The following C18orf32 variants were observed in gnomAD, a reference collection of about 807,000 sequenced individuals.
The protein encoded by C18orf32 is UPF0729 protein C18orf32.
In C18orf32, 5 loss-of-function variants were observed where a neutral mutation model predicts 7.4. The ratio of observed to expected loss-of-function variants is 0.68; its 90% confidence interval spans 0.35 to 1.42. The LOEUF (loss-of-function observed/expected upper bound fraction) is 1.42, where lower values mean the gene tolerates loss of function less well. Among genes scored for constraint, C18orf32 ranks in the 40% most tolerant of loss-of-function variants. The probability of loss-of-function intolerance (pLI) is 0.04; values close to 1 mark genes in which losing one functional copy is unlikely to be tolerated. For synonymous variants in C18orf32, 30 were observed against 29.3 expected (o/e 1.02, Z -0.08); for missense variants, 88 against 92.4 (o/e 0.95, Z 0.19).
chr18:49,483,956 C>T (rs993639926), intron 1 of C18orf32, among the ~76,000 whole-genome samples, 185 bp from the exon 2 acceptor site: 1 of 151,174 alleles, frequency 6.6e-6, no homozygotes, highest in Admixed American at 6.6e-5. Context: ...CAAAGTGAGA[C>T]CTTGTCTCTA....
rs2083656155 is a variant in C18orf32, at chr18:49,481,085, T to C, written c.*1260A>G. The C allele has an allele frequency of 6.6e-6, 1 of 152,246 alleles. No homozygotes were observed. The highest frequency in any genetic ancestry group is 2.4e-5 in the African/African-American group (1 of 41,462). 9.4% of individuals were successfully genotyped at this position (152,246 alleles called of 1,614,324 possible). The stretch of plus-strand genomic sequence containing the variant: ...GTTGTACTGTAAATATCTGTTATTT[T>C]TATAATAGTATTTATACCTTAAAAA... On this transcript the variant is annotated 3_prime_UTR_variant, in exon 3 of 3. Coordinates refer to ENST00000318240, the MANE Select transcript of C18orf32 (RefSeq NM_001035005.4).
At chr18:49,485,581 AAAAT>A (rs902826591) in intron 1 of C18orf32, among the ~76,000 whole-genome samples, 1 of 151,974 alleles carries the variant, frequency 6.6e-6, no homozygotes, top group African/African-American at 2.4e-5. Flanking sequence ...AAAATAAAAT[AAAAT>A]AAAATCAATT....
At chr18:49,482,557 T>C (rs752252584) in intron 2 of C18orf32, 147 bp from the exon 3 acceptor site, 4 of 575,710 alleles carry the variant, frequency 6.9e-6, no homozygotes, top group Non-Finnish European at 1.2e-5. Context: ...TGAAACCCCG[T>C]CCCTACTAAA....
intron 1 of C18orf32, chr18:49,484,583 A>T (rs1171900383): frequency 6.6e-6 from 1 of 151,838 alleles, no homozygotes; most frequent in Non-Finnish European, 1.5e-5. Flanking sequence ...GCAAGACTCC[A>T]TCTCAAAATA....
chr18:49,484,086 G>A (rs1298977135), intron 1 of C18orf32, among the ~76,000 whole-genome samples: 1 of 143,596 alleles, frequency 7.0e-6, no homozygotes, highest in Non-Finnish European at 1.5e-5. Flanking sequence ...CCGTGTTCAT[G>A]CCACTGCTCT....
rs2083631998 is a variant in C18orf32, at chr18:49,477,882, C to CAA, written c.*4462_*4463insTT. ...TATATATACACACTATATATATACA[C>CAA]TATATATATATACACTATATGTATA... On this transcript the variant is annotated 3_prime_UTR_variant, in exon 3 of 3. Transcript: ENST00000318240. 1 of 130,694 alleles carries CAA rather than the reference C, an allele frequency of 7.7e-6. No homozygotes were observed. The highest frequency in any genetic ancestry group is 1.5e-5 in the Non-Finnish European group (1 of 64,854). 8.1% of individuals were successfully genotyped at this position (130,694 alleles called of 1,614,324 possible).
chr18:49,482,332 T>TA lies in C18orf32; in HGVS notation c.*12dup. ...CCATTTTTTAAATGATGGGGTCCTTTAGGAAAATTTCTTTAGTCTTTCTTT... is the reference window on the plus strand; with the variant it reads ...CCATTTTTTAAATGATGGGGTCCTTTAAGGAAAATTTCTTTAGTCTTTCTTT... On this transcript the variant is annotated 3_prime_UTR_variant, in exon 3 of 3. Transcript: ENST00000318240. 6.2e-7 allele frequency: 1 copy of TA among 1,601,240 alleles called. No homozygotes were observed. The highest frequency in any genetic ancestry group is 2.2e-5 in the East Asian group (1 of 44,804).
chr18:49,486,268 C>T (rs1303592677), intron 1 of C18orf32: 2 of 152,072 alleles, frequency 1.3e-5, no homozygotes, highest in East Asian at 1.9e-4. Flanking sequence ...TCCAAACCAA[C>T]GAAACCCCTT....
Position 49,487,139 on chromosome 18 carries a change from G to A in C18orf32, c.-120C>T, listed in dbSNP as rs1349930986. On this transcript the variant is annotated 5_prime_UTR_variant, in exon 1 of 3. Transcript: ENST00000318240. ...GCGCACCGCCTAGGACTCTGCGAGC[G>A]CGGCCCGGGCTGGGCCTGCGGAGCA... is the stretch of plus-strand genomic sequence containing the variant. 1 of 152,590 alleles carries A rather than the reference G, an allele frequency of 6.6e-6. No individual in the cohort carries two copies. Among genetic ancestry groups the A allele is most frequent in the East Asian group, 1.9e-4 (1 of 5,194 alleles). 9.5% of individuals were successfully genotyped at this position (152,590 alleles called of 1,614,324 possible).
chr18:49,484,167 TACACACACACAC>T (rs72071720), intron 1 of C18orf32, among the ~76,000 whole-genome samples: 10 of 93,834 alleles, frequency 1.1e-4, no homozygotes, highest in African/African-American at 1.7e-4. Context: ...TATATATATA[TACACACACACAC>T]ACACACACAC....
At chr18:49,485,241 A>G (rs41527947) in intron 1 of C18orf32, among the ~76,000 whole-genome samples, 5,301 of 152,192 alleles carry the variant, frequency 0.035, 102 homozygotes, top group South Asian at 0.066. Flanking sequence ...AATGAATTAC[A>G]AGCAAGAGCT....
In C18orf32 at chr18:49,486,426, CACTT is replaced by C. The variant is rs1403271479; in HGVS notation, c.-24+613_-24+616del. 3.9e-5 allele frequency: 6 copies of C among 152,160 alleles called. 1 individual carries two copies. The highest frequency in any genetic ancestry group is 9.7e-5 in the African/African-American group (4 of 41,436). 9.4% of individuals were successfully genotyped at this position (152,160 alleles called of 1,614,324 possible). A position where few individuals can be genotyped will look rare whatever the true frequency, so the allele number is the denominator to read the frequency against. On this transcript the variant is annotated intron_variant, in intron 1 of 2. Coordinates refer to ENST00000318240, the MANE Select transcript of C18orf32 (RefSeq NM_001035005.4). ...ACTCTCGAGGACAAATACTACTAAT[CACTT>C]ACGCCACAATTACGGCTTTTAAGAG...
chr18:49,485,766 C>A (rs1227009528), intron 1 of C18orf32, among the ~76,000 whole-genome samples: 1 of 151,900 alleles, frequency 6.6e-6, no homozygotes, highest in Non-Finnish European at 1.5e-5. Context: ...GGACCACAGC[C>A]CTGCGCCACG....
In C18orf32 at chr18:49,482,405, T is replaced by C. The variant is rs2083672122; in HGVS notation, c.171A>G (p.Ala57=). Residue 57 remains alanine (A), a synonymous_variant, in exon 3 of 3, where the codon GCA becomes GCG. Transcript: ENST00000318240. ...CTTTTGTTGGTAATCCATTCATGTC[T>C]GCACCCTAAAATGAAAAAACATTTT... ...TNKGKVNFKG[A]DMNGLPTKGP... The C allele has an allele frequency of 6.2e-7, 1 of 1,610,226 alleles. No individual in the cohort carries two copies. The highest frequency in any genetic ancestry group is 1.3e-5 in the African/African-American group (1 of 74,908).
chr18:49,483,233 G>C (rs1021092962), intron 2 of C18orf32, among the ~76,000 whole-genome samples: 4 of 152,056 alleles, frequency 2.6e-5, no homozygotes, highest in African/African-American at 9.7e-5. Flanking sequence ...AAAGACAACA[G>C]AGTTGTCCAC....
intron 1 of C18orf32, chr18:49,486,259 C>T (rs1182943894): frequency 3.3e-5 from 5 of 152,074 alleles, no homozygotes; most frequent in Non-Finnish European, 5.9e-5. Context: ...ACCAAACTTT[C>T]CAAACCAACG....
intron 1 of C18orf32, chr18:49,485,811 G>A (rs2083735610): frequency 6.6e-6 from 1 of 152,094 alleles, no homozygotes; most frequent in South Asian, 2.1e-4. Flanking sequence ...TAGTAGAGAT[G>A]AGGTCTCACT....
intron 1 of C18orf32, among the ~76,000 whole-genome samples, chr18:49,485,487 G>A (rs2083728487): frequency 6.6e-6 from 1 of 151,908 alleles, no homozygotes; most frequent in African/African-American, 2.4e-5. Flanking sequence ...CTGGGAGGCG[G>A]AAGTCGCAGT....
intron 1 of C18orf32, among the ~76,000 whole-genome samples, chr18:49,484,136 GAAA>G (rs61290557): frequency 2.0e-4 from 9 of 45,588 alleles, no homozygotes; most frequent in African/African-American, 8.3e-4. Flanking sequence ...CTCAAAAAAA[GAAA>G]AAAAAAAAAT....
Sources: gnomAD v4.1 joint callset for allele counts (sites outside exome capture counted in the v4.1 genomes callset) on GRCh38, gnomAD v4.1.1 for gene constraint, MANE v1.5 for transcripts, NCBI Gene and HGNC (gene_info 2026-07-23, HGNC 2026-07-21) for gene names.